The following LAMC1 variants were observed in gnomAD, a reference collection of about 807,000 sequenced individuals.
The protein encoded by LAMC1 is laminin subunit gamma 1.
Under a neutral mutation model 173.6 loss-of-function variants are expected in LAMC1, and 38 were observed. The observed-to-expected ratio is 0.22, with a 90% CI of 0.17 to 0.29. The LOEUF (loss-of-function observed/expected upper bound fraction) is 0.29. LAMC1 is among the 10% of genes least tolerant of loss of function. The probability of loss-of-function intolerance (pLI) is 1.00; values close to 1 mark genes in which losing one functional copy is unlikely to be tolerated. For synonymous variants in LAMC1, 746 were observed against 749.1 expected (o/e 1.00, Z 0.07); for missense variants, 1,824 against 2,051.8 (o/e 0.89, Z 2.14).
At chr1:183,127,517 C>A in intron 17 of LAMC1, 113 bp downstream of exon 17, 3 of 864,134 alleles carry the variant, frequency 3.5e-6, no homozygotes, top group South Asian at 3.8e-5. Context: ...GGTCCCTGTT[C>A]TTAAAGACTT....
intron 2 of LAMC1, among the ~76,000 whole-genome samples, chr1:183,107,528 T>C (rs1255764849): frequency 1.3e-5 from 2 of 152,008 alleles, no homozygotes; most frequent in African/African-American, 4.8e-5. Context: ...GAGGAATAGA[T>C]GCTATAAAAT....
chr1:183,031,889 T>G (rs1257647116), intron 1 of LAMC1, among the ~76,000 whole-genome samples: 1 of 150,018 alleles, frequency 6.7e-6, no homozygotes, highest in South Asian at 2.1e-4. Flanking sequence ...TGGAGAAGAA[T>G]AGAGTAGAAT....
chr1:183,083,888 T>A (rs763050988), intron 1 of LAMC1, among the ~76,000 whole-genome samples: 7 of 152,216 alleles, frequency 4.6e-5, no homozygotes, highest in Admixed American at 2.0e-4. Context: ...TAAATTGTGA[T>A]ACAGTGCTTT....
chr1:183,101,665 A>G (rs1412536304), intron 1 of LAMC1, among the ~76,000 whole-genome samples: 2 of 151,588 alleles, frequency 1.3e-5, no homozygotes, highest in Non-Finnish European at 2.9e-5. Context: ...TGGGGCAGGG[A>G]TTGTCTTCAT....
rs778859029 is a variant in LAMC1 at position 183,124,682 on chromosome 1, G to C, written c.2453G>C (p.Arg818Thr). The C allele has an allele frequency of 6.2e-7, 1 of 1,614,256 alleles. No individual in the cohort carries two copies. Among genetic ancestry groups the C allele is most frequent in the South Asian group, 1.1e-5 (1 of 91,090 alleles). Reference sequence around the variant, plus strand: ...GGCTACTTTGGAGACCCCCTGGGTAGAAACGGCCCTGTGAGACTTTGCCGC... The same window carrying C: ...GGCTACTTTGGAGACCCCCTGGGTACAAACGGCCCTGTGAGACTTTGCCGC... ...DDGYFGDPLG[R>T]NGPVRLCRLC... The change falls in exon 14 of 28, where the codon AGA becomes ACA. Residue 818 changes from arginine to threonine, a missense_variant. Physicochemically the swap from Arg to Thr is moderately conservative, Grantham distance 71. Transcript: ENST00000258341.
chr1:183,098,911 C>T (rs1415729203), intron 1 of LAMC1, among the ~76,000 whole-genome samples: 1 of 152,162 alleles, frequency 6.6e-6, no homozygotes, highest in Non-Finnish European at 1.5e-5. Context: ...TCAAATACAA[C>T]AGCATTTAAT....
intron 1 of LAMC1, among the ~76,000 whole-genome samples, chr1:183,050,898 A>AG (rs1654408838): frequency 6.6e-6 from 1 of 151,400 alleles, no homozygotes; most frequent in Admixed American, 6.6e-5. Context: ...TCTCAAAAAA[A>AG]AAAAAAAAAA....
At chr1:183,079,214 T>C (rs1655197490) in intron 1 of LAMC1, among the ~76,000 whole-genome samples, 1 of 143,176 alleles carries the variant, frequency 7.0e-6, no homozygotes, top group Admixed American at 7.1e-5. Context: ...ATCAAGCAAC[T>C]TTCTGATCTC....
chr1:183,096,682 G>A (rs1655701742), intron 1 of LAMC1: 1 of 152,132 alleles, frequency 6.6e-6, no homozygotes, highest in African/African-American at 2.4e-5. Flanking sequence ...ATACAAAACT[G>A]TAAAGGTTAT....
At chr1:183,068,107 G>A (rs1019198494) in intron 1 of LAMC1, among the ~76,000 whole-genome samples, 1 of 152,096 alleles carries the variant, frequency 6.6e-6, no homozygotes, top group Non-Finnish European at 1.5e-5. Flanking sequence ...TAGATCAAAA[G>A]GATCTGGTAG....
chr1:183,040,632 G>A (rs948757395), intron 1 of LAMC1, among the ~76,000 whole-genome samples: 13 of 152,228 alleles, frequency 8.5e-5, no homozygotes, highest in Non-Finnish European at 1.3e-4. Context: ...GCTTGACTGG[G>A]TTTCAGGAGA....
intron 1 of LAMC1, among the ~76,000 whole-genome samples, chr1:183,030,824 T>C (rs549662811): frequency 5.3e-5 from 8 of 152,260 alleles, no homozygotes; most frequent in African/African-American, 1.9e-4. Flanking sequence ...CCTTTAAAAA[T>C]GGACATAAGC....
At chr1:183,068,352 G>C (rs2102038135) in intron 1 of LAMC1, among the ~76,000 whole-genome samples, 1 of 152,220 alleles carries the variant, frequency 6.6e-6, no homozygotes, top group South Asian at 2.1e-4. Context: ...TCTAAGGTAA[G>C]AAACAGTAAG....
intron 3 of LAMC1, 137 bp from the exon 4 acceptor site, chr1:183,110,351 A>G: frequency 3.5e-6 from 2 of 569,898 alleles, no homozygotes; most frequent in Non-Finnish European, 5.9e-6. Flanking sequence ...TCAGACATCC[A>G]TTACTTAATC....
At chr1:183,095,900 T>A (rs1188199311) in intron 1 of LAMC1, among the ~76,000 whole-genome samples, 1 of 152,242 alleles carries the variant, frequency 6.6e-6, no homozygotes, top group African/African-American at 2.4e-5. Context: ...AAATTGTTTG[T>A]ACCCTCTAAC....
chr1:183,073,799 T>C (rs551226952), intron 1 of LAMC1, among the ~76,000 whole-genome samples: 61 of 152,014 alleles, frequency 4.0e-4, no homozygotes, highest in African/African-American at 1.4e-3. Context: ...CCTAGCAAAA[T>C]AATAGACAAG....
rs141398644 is a variant in LAMC1 at position 183,090,290 on chromosome 1, A to G, written c.419-13038A>G. On this transcript the variant is annotated intron_variant, in intron 1 of 27. Transcript: ENST00000258341. ...TTGCAAGATTATTTACATGTAGTCCAGGGGGATTACATACATTTTAGCTAT... is the reference window on the plus strand; with the variant it reads ...TTGCAAGATTATTTACATGTAGTCCGGGGGGATTACATACATTTTAGCTAT... Among the ~76,000 whole-genome samples the G allele has an allele frequency of 2.6e-3, 393 of 152,292 alleles. 6 individuals are homozygous for G. The highest frequency in any genetic ancestry group is 9.1e-3 in the African/African-American group (378 of 41,552).
intron 4 of LAMC1, among the ~76,000 whole-genome samples, chr1:183,113,476 A>G (rs556135515): frequency 2.0e-5 from 3 of 152,368 alleles, no homozygotes; most frequent in Admixed American, 1.3e-4. Context: ...GATACTGTCT[A>G]CATTTTGGGA....
intron 18 of LAMC1, among the ~76,000 whole-genome samples, chr1:183,129,768 A>T (rs904334415): frequency 6.6e-6 from 1 of 152,222 alleles, no homozygotes; most frequent in South Asian, 2.1e-4. Context: ...GAGCATATTA[A>T]TAAAGAATAA....
Sources: gnomAD v4.1 joint callset for allele counts (sites outside exome capture counted in the v4.1 genomes callset) on GRCh38, gnomAD v4.1.1 for gene constraint, MANE v1.5 for transcripts, NCBI Gene and HGNC (gene_info 2026-07-23, HGNC 2026-07-21) for gene names.